Variants in SWAP70 observed in about 807,000 individuals in gnomAD.
SWAP70 encodes the protein switching B cell complex subunit SWAP70.
In SWAP70, 34 loss-of-function variants were observed where a neutral mutation model predicts 80.2. The observed-to-expected ratio is 0.42, with a 90% CI of 0.32 to 0.56. SWAP70 has a LOEUF of 0.56. SWAP70 is among the 20% of genes least tolerant of loss of function. The probability of loss-of-function intolerance (pLI) is 0.09; values close to 1 mark genes in which losing one functional copy is unlikely to be tolerated. For missense variants in SWAP70, 578 were observed against 690.7 expected (o/e 0.84, Z 1.83); for synonymous variants, 239 against 238.5 (o/e 1.00, Z -0.02).
intron 1 of SWAP70, among the ~76,000 whole-genome samples, chr11:9,674,949 A>T (rs1850468955): frequency 6.6e-6 from 1 of 151,244 alleles, no homozygotes; most frequent in Non-Finnish European, 1.5e-5. Flanking sequence ...AGCCTGGGCG[A>T]CAGAGCGAGA....
intron 9 of SWAP70, among the ~76,000 whole-genome samples, chr11:9,747,516 C>T (rs7113055): frequency 0.099 from 15,134 of 152,248 alleles, 1,920 homozygotes; most frequent in East Asian, 0.28. Context: ...CTCACTTGCA[C>T]CATCTCTAAA....
At chr11:9,729,791 C>T (rs1005141528) in intron 6 of SWAP70, among the ~76,000 whole-genome samples, 50 of 152,034 alleles carry the variant, frequency 3.3e-4, no homozygotes, top group African/African-American at 1.1e-3. Flanking sequence ...TACGCCTGGC[C>T]GAGAGCTCTG....
chr11:9,740,825 A>G (rs866222013), intron 9 of SWAP70: 1 of 161,154 alleles, frequency 6.2e-6, no homozygotes, highest in Non-Finnish European at 1.4e-5. Flanking sequence ...AGTAATTACT[A>G]CTTGAAATCC....
intron 3 of SWAP70, among the ~76,000 whole-genome samples, chr11:9,724,204 C>T (rs908523243): frequency 9.9e-5 from 15 of 152,184 alleles, no homozygotes; most frequent in Admixed American, 9.2e-4. Context: ...TGGGAGGAAG[C>T]AGCATGAATT....
chr11:9,671,366 TAAAATA>T (rs1433281626), intron 1 of SWAP70, among the ~76,000 whole-genome samples: 1 of 95,206 alleles, frequency 1.1e-5, no homozygotes, highest in Admixed American at 1.3e-4. Context: ...ATAAATAAAA[TAAAATA>T]AAAATAAAAA....
intron 7 of SWAP70, among the ~76,000 whole-genome samples, chr11:9,736,695 C>G (rs1278045586): frequency 6.6e-6 from 1 of 152,148 alleles, no homozygotes; most frequent in African/African-American, 2.4e-5. Flanking sequence ...TCTCTGATCT[C>G]TCATTTAAGC....
chr11:9,748,662 C>A (rs1488954456), intron 10 of SWAP70, among the ~76,000 whole-genome samples: 1 of 151,898 alleles, frequency 6.6e-6, no homozygotes, highest in African/African-American at 2.4e-5. Flanking sequence ...CGTGTCCCTT[C>A]AGCACCCTCT....
chr11:9,736,336 A>T (rs2133813232), intron 7 of SWAP70, among the ~76,000 whole-genome samples: 1 of 152,060 alleles, frequency 6.6e-6, no homozygotes, highest in East Asian at 1.9e-4. Context: ...TCATATGCTA[A>T]ATCCACCATC....
At chr11:9,725,550 TATATATATATATA>T (rs1564829428) in intron 4 of SWAP70, among the ~76,000 whole-genome samples, 3 of 10,906 alleles carry the variant, frequency 2.8e-4, no homozygotes, top group African/African-American at 8.2e-4. Flanking sequence ...TATATATATA[TATATATATATATA>T]TATATATTTT....
intron 1 of SWAP70, among the ~76,000 whole-genome samples, chr11:9,676,954 A>G (rs1269165468): frequency 6.6e-6 from 1 of 151,942 alleles, no homozygotes; most frequent in Non-Finnish European, 1.5e-5. Flanking sequence ...TGCCTGGCCC[A>G]GATGCAGTTT....
rs1248120922 is a variant in SWAP70, at chr11:9,751,040, G to A, written c.*1070G>A. ...CTACCAAGTATATGCCAGGCTGTGAGAGGATTATACTGAGTAGTAGAAAGA... is the reference window on the plus strand; with the variant it reads ...CTACCAAGTATATGCCAGGCTGTGAAAGGATTATACTGAGTAGTAGAAAGA... On this transcript the variant is annotated 3_prime_UTR_variant, in exon 12 of 12. Transcript: ENST00000318950. 1.3e-5 allele frequency: 2 copies of A among 152,206 alleles called. No homozygotes were observed. Among genetic ancestry groups the A allele is most frequent in the African/African-American group, 2.4e-5 (1 of 41,450 alleles). 9.4% of individuals were successfully genotyped at this position (152,206 alleles called of 1,614,324 possible).
intron 2 of SWAP70, among the ~76,000 whole-genome samples, chr11:9,712,785 C>G (rs1180552734): frequency 6.8e-6 from 1 of 146,762 alleles, no homozygotes; most frequent in Non-Finnish European, 1.5e-5. Flanking sequence ...GTTGCCCAGG[C>G]TGGAGTGCAA....
chr11:9,699,715 GC>G (rs1330718185), intron 2 of SWAP70, among the ~76,000 whole-genome samples: 3 of 151,958 alleles, frequency 2.0e-5, no homozygotes, highest in African/African-American at 7.3e-5. Flanking sequence ...AATTAGCCAG[GC>G]TTGGTGGCAC....
chr11:9,708,928 C>T (rs1218023584), intron 2 of SWAP70, among the ~76,000 whole-genome samples: 1 of 152,150 alleles, frequency 6.6e-6, no homozygotes, highest in African/African-American at 2.4e-5. Context: ...CAGAGTTGCG[C>T]TCTGTCACCC....
At chr11:9,727,998 G>C in intron 4 of SWAP70, 55 bp from the exon 5 acceptor site, 1 of 1,467,668 alleles carries the variant, frequency 6.8e-7, no homozygotes, top group African/African-American at 1.6e-5. Flanking sequence ...AGGAAGAGAT[G>C]TCAGCTCTTA....
chr11:9,735,177 T>C (rs360156), intron 7 of SWAP70, among the ~76,000 whole-genome samples: 85,268 of 152,016 alleles, frequency 0.56, 24,191 homozygotes, highest in Middle Eastern at 0.75. Context: ...CCCCCACTTA[T>C]GAATTTCCAC....
chr11:9,721,367 C>CTA (rs947994101), intron 3 of SWAP70, among the ~76,000 whole-genome samples: 1 of 152,004 alleles, frequency 6.6e-6, no homozygotes, highest in Non-Finnish European at 1.5e-5. Flanking sequence ...AAACACTTAC[C>CTA]ATGTGCTGTT....
intron 2 of SWAP70, among the ~76,000 whole-genome samples, chr11:9,698,100 GTTTT>G (rs1255294896): frequency 8.6e-6 from 1 of 116,290 alleles, no homozygotes; most frequent in African/African-American, 4.3e-5. Flanking sequence ...CATGTTTTTT[GTTTT>G]TTTTTTTTTT....
At chr11:9,671,090 TATATATAA>T (rs912088614) in intron 1 of SWAP70, among the ~76,000 whole-genome samples, 2 of 140,492 alleles carry the variant, frequency 1.4e-5, no homozygotes, top group African/African-American at 5.2e-5. Context: ...TAAATATAAA[TATATATAA>T]ATATATAAAT....
Sources: gnomAD v4.1 joint callset for allele counts (sites outside exome capture counted in the v4.1 genomes callset) on GRCh38, gnomAD v4.1.1 for gene constraint, MANE v1.5 for transcripts, NCBI Gene and HGNC (gene_info 2026-07-23, HGNC 2026-07-21) for gene names.